Variants in PPP1R12B observed in about 807,000 individuals in gnomAD.
The protein encoded by PPP1R12B is myosin phosphatase target subunit 2.
Under a neutral mutation model 126.1 loss-of-function variants are expected in PPP1R12B, and 76 were observed. That is an observed-to-expected ratio of 0.60 (90% CI 0.50 to 0.73). PPP1R12B has a LOEUF of 0.73. PPP1R12B is among the 30% of genes least tolerant of loss of function. The probability of loss-of-function intolerance (pLI) is 0.00; values close to 1 mark genes in which losing one functional copy is unlikely to be tolerated. For synonymous variants in PPP1R12B, 356 were observed against 434.7 expected (o/e 0.82, Z 2.25); for missense variants, 1,052 against 1,205.1 (o/e 0.87, Z 1.88).
At chr1:202,539,946 CTG>C (rs1684937846) in intron 18 of PPP1R12B, 1 of 895,484 alleles carries the variant, frequency 1.1e-6, no homozygotes, top group African/African-American at 1.7e-5. Flanking sequence ...AACTCAGACT[CTG>C]TGTAACTGGG....
At position 202,587,847 on chromosome 1, in the gene PPP1R12B, TAAAGAGAGTTTGGAGGA is replaced by T. The variant is rs1689917603; in HGVS notation, c.*7291_*7307del. The stretch of plus-strand genomic sequence containing the variant: ...TGCCTTCTGATGAAGAGAGGTTAGG[TAAAGAGAGTTTGGAGGA>T]AAAAAGACACCAGGAGGCAGGCTGC... On this transcript the variant is annotated 3_prime_UTR_variant, in exon 24 of 24. Transcript: ENST00000608999. 1 of 152,036 alleles carries T rather than the reference TAAAGAGAGTTTGGAGGA, an allele frequency of 6.6e-6. No individual in the cohort carries two copies. Among genetic ancestry groups the T allele is most frequent in the Non-Finnish European group, 1.5e-5 (1 of 68,046 alleles). The allele number at this position is 152,036 out of a possible 1,614,324, so 9.4% of individuals were successfully genotyped here.
intron 8 of PPP1R12B, among the ~76,000 whole-genome samples, chr1:202,433,434 G>A (rs1241309851): frequency 6.6e-6 from 1 of 152,162 alleles, no homozygotes; most frequent in Non-Finnish European, 1.5e-5. Flanking sequence ...CTACACCTCT[G>A]TTTAAACCTA....
At chr1:202,572,046 G>T (rs1688656551) in intron 23 of PPP1R12B, among the ~76,000 whole-genome samples, 1 of 152,150 alleles carries the variant, frequency 6.6e-6, no homozygotes, top group South Asian at 2.1e-4. Context: ...TGATAAAATT[G>T]GTATGACTGG....
intron 13 of PPP1R12B, among the ~76,000 whole-genome samples, chr1:202,465,676 G>C (rs1674882287): frequency 6.6e-6 from 1 of 152,074 alleles, no homozygotes; most frequent in Non-Finnish European, 1.5e-5. Flanking sequence ...TTACCTGAAG[G>C]CTTGTTTCTG....
chr1:202,401,783 T>A (rs1175295963), intron 1 of PPP1R12B, among the ~76,000 whole-genome samples: 1 of 152,200 alleles, frequency 6.6e-6, no homozygotes, highest in Admixed American at 6.5e-5. Flanking sequence ...CTATACAGCA[T>A]CTTACAACAT....
At chr1:202,359,343 GGTC>G (rs1657721363) in intron 1 of PPP1R12B, among the ~76,000 whole-genome samples, 1 of 151,728 alleles carries the variant, frequency 6.6e-6, no homozygotes, top group South Asian at 2.1e-4. Context: ...TGGCCAGGCT[GGTC>G]TCAAATGAAC....
At chr1:202,372,963 C>G (rs1449482661) in intron 1 of PPP1R12B, among the ~76,000 whole-genome samples, 1 of 151,474 alleles carries the variant, frequency 6.6e-6, no homozygotes, top group Non-Finnish European at 1.5e-5. Flanking sequence ...AAGATGGAGT[C>G]TTGCTCTGTC....
At chr1:202,377,347 G>A (rs1219549265) in intron 1 of PPP1R12B, among the ~76,000 whole-genome samples, 2 of 151,380 alleles carry the variant, frequency 1.3e-5, no homozygotes, top group Non-Finnish European at 2.9e-5. Context: ...CTGTCGCCCA[G>A]GCTGGAGTTC....
At chr1:202,430,834 T>C in intron 7 of PPP1R12B, 24 bp downstream of exon 7, 2 of 1,608,330 alleles carry the variant, frequency 1.2e-6, no homozygotes, top group Non-Finnish European at 1.7e-6. Flanking sequence ...GCTTGAGTAA[T>C]GGGATGAGCT....
chr1:202,445,586 A>T (rs1167677435), intron 12 of PPP1R12B, among the ~76,000 whole-genome samples: 1 of 152,230 alleles, frequency 6.6e-6, no homozygotes, highest in Admixed American at 6.5e-5. Flanking sequence ...TTTTCCAGTA[A>T]TTATAATAGG....
chr1:202,377,219 A>G (rs116342378), intron 1 of PPP1R12B, among the ~76,000 whole-genome samples: 67 of 152,256 alleles, frequency 4.4e-4, no homozygotes, highest in African/African-American at 1.6e-3. Flanking sequence ...GTTACTTTCA[A>G]TTGGGAAAGG....
intron 1 of PPP1R12B, among the ~76,000 whole-genome samples, chr1:202,401,249 G>A (rs149133067): frequency 0.01 from 1,575 of 151,552 alleles, 8 homozygotes; most frequent in Middle Eastern, 0.017. Flanking sequence ...GAGTATAATG[G>A]CACAGTCATA....
At chr1:202,404,339 G>A (rs867874817) in intron 1 of PPP1R12B, among the ~76,000 whole-genome samples, 1 of 151,940 alleles carries the variant, frequency 6.6e-6, no homozygotes, top group Non-Finnish European at 1.5e-5. Flanking sequence ...GTCTATGCAT[G>A]CATAGAATTC....
Position 202,508,469 on chromosome 1 carries a change from A to G in PPP1R12B, c.2490+11647A>G, listed in dbSNP as rs1346707152. On this transcript the variant is annotated intron_variant, in intron 18 of 23. Transcript: ENST00000608999. The surrounding 1 kb of genome is among the most constrained non-coding windows in gnomAD (Gnocchi z 4.5). ...GGCAAATTAATACCTAGCATAATAC[A>G]TAATACAAGTACTTATTATGGTCTT... 1.3e-5 allele frequency among the ~76,000 whole-genome samples: 2 copies of G among 152,248 alleles called. No individual in the cohort carries two copies. The highest frequency in any genetic ancestry group is 2.9e-5 in the Non-Finnish European group (2 of 68,038).
At chr1:202,430,623 T>C (rs144721010) in intron 6 of PPP1R12B, 108 bp from the exon 7 acceptor site, 1 of 1,166,656 alleles carries the variant, frequency 8.6e-7, no homozygotes, top group East Asian at 2.5e-5. Context: ...CTCTTTGGTG[T>C]TGGTCCTATT....
chr1:202,441,991 C>A (rs889636951), intron 11 of PPP1R12B, among the ~76,000 whole-genome samples: 13 of 151,886 alleles, frequency 8.6e-5, no homozygotes, highest in African/African-American at 3.1e-4. Context: ...CGAGTACAGG[C>A]ATGTGCCACC....
chr1:202,375,067 C>T (rs771606212), intron 1 of PPP1R12B, among the ~76,000 whole-genome samples: 7 of 151,922 alleles, frequency 4.6e-5, no homozygotes, highest in Non-Finnish European at 7.4e-5. Context: ...CTCAGCCTCC[C>T]GAGTAGCTGG....
At chr1:202,455,608 A>C (rs536626473) in intron 13 of PPP1R12B, among the ~76,000 whole-genome samples, 2 of 152,206 alleles carry the variant, frequency 1.3e-5, no homozygotes, top group Non-Finnish European at 2.9e-5. Context: ...TTGTTTGTCC[A>C]TTCATAAGTC....
In PPP1R12B at chr1:202,583,833, G is replaced by A. The variant is rs912784735; in HGVS notation, c.*3273G>A. On this transcript the variant is annotated 3_prime_UTR_variant, in exon 24 of 24. Transcript: ENST00000608999. ...ACATGGCCAACAACATGGGGCTCAG[G>A]TCTGTCACTTAACTTAGAGTCTTTA... is the stretch of plus-strand genomic sequence containing the variant. 5 of 152,222 alleles carry A rather than the reference G, an allele frequency of 3.3e-5. No individual in the cohort carries two copies. The highest frequency in any genetic ancestry group is 6.5e-5 in the Admixed American group (1 of 15,290). The allele number at this position is 152,222 out of a possible 1,614,324, so 9.4% of individuals were successfully genotyped here.
Sources: gnomAD v4.1 joint callset for allele counts (sites outside exome capture counted in the v4.1 genomes callset) on GRCh38, gnomAD v4.1.1 for gene constraint, Gnocchi (gnomAD v3.1) non-coding constraint, MANE v1.5 for transcripts, NCBI Gene and HGNC (gene_info 2026-07-23, HGNC 2026-07-21) for gene names.